Variants in VWA8 observed in about 807,000 individuals in gnomAD.
VWA8 encodes the protein von Willebrand factor A domain-containing protein 8.
VWA8 carries 221 observed loss-of-function variants against 241.5 expected under a neutral mutation model. The observed-to-expected ratio is 0.91, with a 90% CI of 0.82 to 1.02. VWA8 has a LOEUF of 1.02. VWA8 is among the 50% of genes least tolerant of loss of function. VWA8 has a pLI of 0.00. For synonymous variants in VWA8, 852 were observed against 827.1 expected (o/e 1.03, Z -0.52); for missense variants, 2,322 against 2,328.7 (o/e 1.00, Z 0.06).
intron 20 of VWA8, 108 bp from the exon 21 acceptor site, chr13:41,761,312 T>C (rs1408339694): frequency 9.5e-7 from 1 of 1,055,100 alleles, no homozygotes; most frequent in Non-Finnish European, 1.4e-6. Flanking sequence ...ACCTTGTTAC[T>C]GTTTTAGTTT....
intron 37 of VWA8, among the ~76,000 whole-genome samples, chr13:41,664,844 T>C (rs1200504479): frequency 5.9e-5 from 9 of 152,180 alleles, no homozygotes; most frequent in Admixed American, 5.9e-4. Flanking sequence ...GTTTTCCTGT[T>C]TTCTACTGTT....
intron 43 of VWA8, among the ~76,000 whole-genome samples, chr13:41,572,160 C>A (rs9594577): frequency 1.3e-5 from 2 of 151,800 alleles, no homozygotes; most frequent in African/African-American, 4.8e-5. Context: ...GCAGCCGCCC[C>A]GTCCGGGAGG....
intron 16 of VWA8, among the ~76,000 whole-genome samples, chr13:41,816,027 T>C (rs1257824392): frequency 1.3e-5 from 2 of 152,038 alleles, no homozygotes; most frequent in Non-Finnish European, 2.9e-5. Flanking sequence ...AGTCAAGAAA[T>C]TAAATCAAGA....
chr13:41,758,367 A>AGC (rs2045709295), intron 21 of VWA8, among the ~76,000 whole-genome samples: 1 of 60,708 alleles, frequency 1.6e-5, no homozygotes, highest in Non-Finnish European at 3.1e-5. Context: ...TATAGATACT[A>AGC]GCATATATAT....
In VWA8 at chr13:41,648,192, G is replaced by A. The variant is rs566145085; in HGVS notation, c.4611+22754C>T. On this transcript the variant is annotated intron_variant, in intron 37 of 44. Transcript: ENST00000379310. Reference sequence around the variant, plus strand: ...AAAGTGTCTCACACTTCCTGAATCTGATCACTGGTAATAATGATGATAAAA... The same window carrying A: ...AAAGTGTCTCACACTTCCTGAATCTAATCACTGGTAATAATGATGATAAAA... 2.6e-5 allele frequency among the ~76,000 whole-genome samples: 4 copies of A among 152,160 alleles called. No homozygotes were observed. In the South Asian group the frequency reaches 8.3e-4, roughly 32 times the overall value.
At chr13:41,922,680 A>G (rs1307954992) in intron 2 of VWA8, among the ~76,000 whole-genome samples, 2 of 152,270 alleles carry the variant, frequency 1.3e-5, no homozygotes, top group Non-Finnish European at 2.9e-5. Flanking sequence ...AGACACATGA[A>G]AAAATGCTCA....
At chr13:41,755,203 G>T (rs1461784250) in intron 21 of VWA8, among the ~76,000 whole-genome samples, 2 of 151,860 alleles carry the variant, frequency 1.3e-5, no homozygotes, top group Non-Finnish European at 1.5e-5. Flanking sequence ...CTCCATAGTG[G>T]TTGTACTAAT....
At chr13:41,955,308 A>C (rs1316805663) in intron 1 of VWA8, among the ~76,000 whole-genome samples, 1 of 152,160 alleles carries the variant, frequency 6.6e-6, no homozygotes, top group Non-Finnish European at 1.5e-5. Flanking sequence ...CTAGACTCAA[A>C]TACTATTGAA....
intron 37 of VWA8, among the ~76,000 whole-genome samples, chr13:41,664,970 T>A (rs1004991891): frequency 6.6e-6 from 1 of 152,188 alleles, no homozygotes; most frequent in African/African-American, 2.4e-5. Flanking sequence ...GTCCTATCAT[T>A]GATTTCCTGC....
At chr13:41,651,572 G>C (rs2044869497) in intron 37 of VWA8, among the ~76,000 whole-genome samples, 1 of 152,202 alleles carries the variant, frequency 6.6e-6, no homozygotes, top group African/African-American at 2.4e-5. Flanking sequence ...TGCAAAAGCA[G>C]ACACAGACAA....
Position 41,681,957 on chromosome 13 carries a change from C to T in VWA8, c.4327+3090G>A, listed in dbSNP as rs568205259. 9.9e-5 allele frequency among the ~76,000 whole-genome samples: 15 copies of T among 152,266 alleles called. No homozygotes were observed. The South Asian group carries it at 2.9e-3, about 29-fold the overall frequency. ...GGAGAGTTATGTAATGGACAAACCA[C>T]GCTGCATCTTTTAAGCCAAGTTAAA... On this transcript the variant is annotated intron_variant, in intron 35 of 44. Coordinates refer to ENST00000379310, the MANE Select transcript of VWA8 (RefSeq NM_015058.2).
At chr13:41,627,561 T>C (rs2044700210) in intron 37 of VWA8, among the ~76,000 whole-genome samples, 1 of 152,182 alleles carries the variant, frequency 6.6e-6, no homozygotes, top group South Asian at 2.1e-4. Context: ...AGAAAGACTG[T>C]CCTTGCCATC....
At chr13:41,687,505 G>A (rs1457575943) in intron 34 of VWA8, among the ~76,000 whole-genome samples, 2 of 152,130 alleles carry the variant, frequency 1.3e-5, no homozygotes, top group Non-Finnish European at 2.9e-5. Flanking sequence ...TTCACATAAA[G>A]CAAGAAGGCA....
chr13:41,843,910 CAA>C (rs563857732), intron 12 of VWA8, among the ~76,000 whole-genome samples: 1 of 152,020 alleles, frequency 6.6e-6, no homozygotes, highest in Non-Finnish European at 1.5e-5. Context: ...TACCAGACAT[CAA>C]AAAAGAGCTG....
chr13:41,887,458 A>G, intron 5 of VWA8, 97 bp from the exon 6 acceptor site: 1 of 1,322,440 alleles, frequency 7.6e-7, no homozygotes, highest in Non-Finnish European at 1.0e-6. Flanking sequence ...GACTGTTGAG[A>G]AAACTGTATT....
At position 41,635,976 on chromosome 13, in the gene VWA8, G is replaced by A. The variant is rs149862915; in HGVS notation, c.4612-20892C>T. Among the ~76,000 whole-genome samples, 193 of 152,142 alleles carry A rather than the reference G, an allele frequency of 1.3e-3. 1 individual carries two copies. The South Asian group carries it at 0.014, about 11-fold the overall frequency. ...TGTTACAGCACCCAGAATAACCTTC[G>A]TGCCTGATACATATTCATTGAGGTT... is the stretch of plus-strand genomic sequence containing the variant. On this transcript the variant is annotated intron_variant, in intron 37 of 44. Transcript: ENST00000379310.
chr13:41,730,959 T>C (rs2045478311), intron 22 of VWA8, among the ~76,000 whole-genome samples: 2 of 151,502 alleles, frequency 1.3e-5, no homozygotes, highest in African/African-American at 4.8e-5. Flanking sequence ...CATGTATACA[T>C]ATGTAAACTA....
At chr13:41,640,554 C>A (rs1284439802) in intron 37 of VWA8, among the ~76,000 whole-genome samples, 2 of 152,174 alleles carry the variant, frequency 1.3e-5, no homozygotes, top group Non-Finnish European at 1.5e-5. Flanking sequence ...TTAGCTGAAA[C>A]ATACAAGAGA....
In VWA8 at chr13:41,779,233, T is replaced by A. The variant is rs1053677566; in HGVS notation, c.2278-1177A>T. ...TATAATATATAGATATAAAAATATA[T>A]AAATATATATGATATAAATATTAAA... On this transcript the variant is annotated intron_variant, in intron 19 of 44. Transcript: ENST00000379310. 2.7e-5 allele frequency among the ~76,000 whole-genome samples: 4 copies of A among 147,958 alleles called. No individual in the cohort carries two copies. The South Asian group carries it at 6.2e-4, about 23-fold the overall frequency.
Sources: gnomAD v4.1 joint callset for allele counts (sites outside exome capture counted in the v4.1 genomes callset) on GRCh38, gnomAD v4.1.1 for gene constraint, MANE v1.5 for transcripts, NCBI Gene and HGNC (gene_info 2026-07-23, HGNC 2026-07-21) for gene names.